SUPT3H: variants seen among roughly 807,000 people sequenced by gnomAD.
SUPT3H encodes transcription initiation protein SPT3 homolog.
A neutral mutation model predicts 44.3 loss-of-function variants in SUPT3H; 44 were observed. The ratio of observed to expected loss-of-function variants is 0.99; its 90% CI spans 0.78 to 1.28. The LOEUF is 1.28. Ranked by LOEUF, SUPT3H falls within the 50% of genes most tolerant of loss-of-function variation. The pLI is 0.00. For synonymous variants in SUPT3H, 124 were observed against 125.6 expected (o/e 0.99, Z 0.09); for missense variants, 380 against 387.1 (o/e 0.98, Z 0.15).
Position 44,828,255 on chromosome 6 carries a change from G to C in SUPT3H, c.*1561C>G, listed in dbSNP as rs1767993405. Among the ~76,000 whole-genome samples, 1 of 150,498 alleles carries C rather than the reference G, an allele frequency of 6.6e-6. No homozygotes were observed. Among genetic ancestry groups the C allele is most frequent in the Non-Finnish European group, 1.5e-5 (1 of 67,902 alleles). ...TGATTATGGATGCCAAGGAAAATAA[G>C]AATGATAAAAAGTTTAATCATAATC... is the stretch of plus-strand genomic sequence containing the variant. On this transcript the variant is annotated 3_prime_UTR_variant, in exon 11 of 11. Transcript: ENST00000371459.
intron 2 of SUPT3H, among the ~76,000 whole-genome samples, chr6:45,292,691 T>A (rs1469180202): frequency 1.4e-5 from 2 of 142,048 alleles, no homozygotes; most frequent in African/African-American, 2.6e-5. Flanking sequence ...GCTATTCTTA[T>A]ACCAGACAAA....
chr6:45,249,839 GATA>G (rs1772061423), intron 2 of SUPT3H, among the ~76,000 whole-genome samples: 2 of 152,100 alleles, frequency 1.3e-5, no homozygotes, highest in African/African-American at 4.8e-5. Context: ...AAGGGTTGAT[GATA>G]TATCATACTG....
intron 2 of SUPT3H, among the ~76,000 whole-genome samples, chr6:45,326,656 C>T (rs565904945): frequency 6.6e-6 from 1 of 152,032 alleles, no homozygotes; most frequent in South Asian, 2.1e-4. Flanking sequence ...TTCCCATACC[C>T]TACCAGTGTA....
At chr6:45,115,560 A>C (rs1224547485) in intron 2 of SUPT3H, among the ~76,000 whole-genome samples, 2 of 152,138 alleles carry the variant, frequency 1.3e-5, no homozygotes, top group Non-Finnish European at 2.9e-5. Context: ...GTTACATAGC[A>C]TTGAAAAAAA....
chr6:45,274,182 A>G (rs1351205576), intron 2 of SUPT3H, among the ~76,000 whole-genome samples: 1 of 152,224 alleles, frequency 6.6e-6, no homozygotes, highest in African/African-American at 2.4e-5. Flanking sequence ...GGTTCTTCAC[A>G]GATACAAGTA....
At chr6:45,284,896 G>C (rs1038233101) in intron 2 of SUPT3H, among the ~76,000 whole-genome samples, 26 of 152,170 alleles carry the variant, frequency 1.7e-4, no homozygotes, top group Non-Finnish European at 3.4e-4. Flanking sequence ...TATCCACCAT[G>C]ATCAAGTGGG....
chr6:44,998,865 T>G (rs1479948301), intron 6 of SUPT3H, among the ~76,000 whole-genome samples: 1 of 152,002 alleles, frequency 6.6e-6, no homozygotes, highest in Non-Finnish European at 1.5e-5. Flanking sequence ...ATTTCCAATT[T>G]AATAATGAAA....
intron 3 of SUPT3H, among the ~76,000 whole-genome samples, chr6:45,057,395 C>A (rs1791294317): frequency 6.6e-6 from 1 of 151,694 alleles, no homozygotes; most frequent in East Asian, 1.9e-4. Context: ...TTAGAAAAAT[C>A]AAGATTTTTT....
chr6:45,165,475 G>T (rs1356783263), intron 2 of SUPT3H, among the ~76,000 whole-genome samples: 6 of 151,716 alleles, frequency 4.0e-5, no homozygotes, highest in Non-Finnish European at 7.4e-5. Flanking sequence ...ATTATGAAAC[G>T]CAAAAATACA....
At chr6:45,238,130 T>C (rs1276936635) in intron 2 of SUPT3H, among the ~76,000 whole-genome samples, 1 of 152,168 alleles carries the variant, frequency 6.6e-6, no homozygotes, top group Non-Finnish European at 1.5e-5. Context: ...TTGAACCTAC[T>C]CGTAAAAAAA....
At chr6:44,876,844 A>AAG (rs1221108399) in intron 10 of SUPT3H, among the ~76,000 whole-genome samples, 2 of 150,796 alleles carry the variant, frequency 1.3e-5, no homozygotes, top group African/African-American at 4.8e-5. Flanking sequence ...TTGAAAAAAA[A>AAG]AAAAAAGAAA....
intron 10 of SUPT3H, among the ~76,000 whole-genome samples, chr6:44,836,200 C>T (rs1295773195): frequency 6.6e-6 from 1 of 152,102 alleles, no homozygotes; most frequent in Non-Finnish European, 1.5e-5. Flanking sequence ...TACAAATAGG[C>T]ACATCTTGTT....
chr6:45,337,778 T>C, intron 2 of SUPT3H, among the ~76,000 whole-genome samples: 1 of 152,020 alleles, frequency 6.6e-6, no homozygotes, highest in East Asian at 1.9e-4. Flanking sequence ...GTTATGTTTA[T>C]TTTTGTTTAT....
chr6:45,284,514 A>G (rs193227932), intron 2 of SUPT3H, among the ~76,000 whole-genome samples: 2 of 152,106 alleles, frequency 1.3e-5, no homozygotes, highest in Non-Finnish European at 2.9e-5. Context: ...TAAATTCCTT[A>G]ACACATACAC....
chr6:44,917,159 GA>G (rs995730728), intron 10 of SUPT3H, among the ~76,000 whole-genome samples: 62 of 143,164 alleles, frequency 4.3e-4, no homozygotes, highest in African/African-American at 8.2e-4. Context: ...GTCTCAAAAA[GA>G]AAAAAAAAAA....
In SUPT3H at chr6:44,881,441, A is replaced by T. The variant is rs144750015; in HGVS notation, c.912+51212T>A. 7.6e-3 allele frequency among the ~76,000 whole-genome samples: 1,164 copies of T among 152,272 alleles called. 23 individuals are homozygous for T. The highest frequency in any genetic ancestry group is 0.026 in the African/African-American group (1,097 of 41,532). On this transcript the variant is annotated intron_variant, in intron 10 of 10. Transcript: ENST00000371459. Reference sequence around the variant, plus strand: ...TAGACTCCCACACAATAATAGTGGGAGACTTTAACACCCCACTGTCAATAT... The same window carrying T: ...TAGACTCCCACACAATAATAGTGGGTGACTTTAACACCCCACTGTCAATAT...
intron 3 of SUPT3H, among the ~76,000 whole-genome samples, chr6:45,092,067 C>T (rs1797190428): frequency 6.6e-6 from 1 of 151,886 alleles, no homozygotes; most frequent in Non-Finnish European, 1.5e-5. Flanking sequence ...ACTAGATAAC[C>T]TATAATTGTG....
chr6:45,106,169 C>T (rs377135870), intron 2 of SUPT3H, among the ~76,000 whole-genome samples, 163 bp from the exon 3 acceptor site: 10 of 152,288 alleles, frequency 6.6e-5, no homozygotes, highest in Middle Eastern at 3.4e-3. Context: ...TGGTGGCTCA[C>T]GCCTTTAATC....
At chr6:45,322,848 A>G in intron 2 of SUPT3H, 2 of 1,561,914 alleles carry the variant, frequency 1.3e-6, no homozygotes, top group Admixed American at 1.7e-5. Flanking sequence ...ATTCATCCAA[A>G]AGCAGTGGCA....
Sources: gnomAD v4.1 joint callset for allele counts (sites outside exome capture counted in the v4.1 genomes callset) on GRCh38, gnomAD v4.1.1 for gene constraint, MANE v1.5 for transcripts, NCBI Gene and HGNC (gene_info 2026-07-23, HGNC 2026-07-21) for gene names.